The following FAM135B variants were observed in gnomAD, a reference collection of about 807,000 sequenced individuals.
FAM135B encodes the protein protein FAM135B.
FAM135B carries 43 observed loss-of-function variants against 127.7 expected under a neutral mutation model. The ratio of observed to expected loss-of-function variants is 0.34; its 90% CI spans 0.26 to 0.43. FAM135B has a LOEUF of 0.43. Ranked by LOEUF, FAM135B falls within the 20% of genes least tolerant of loss-of-function variation. The probability of loss-of-function intolerance (pLI) is 1.00; values close to 1 mark genes in which losing one functional copy is unlikely to be tolerated. For missense variants in FAM135B, 1,558 were observed against 1,725.6 expected (o/e 0.90, Z 1.72); for synonymous variants, 670 against 665.1 (o/e 1.01, Z -0.11).
intron 1 of FAM135B, among the ~76,000 whole-genome samples, chr8:138,376,045 G>A (rs529045314): frequency 1.3e-5 from 2 of 152,272 alleles, no homozygotes; most frequent in Admixed American, 1.3e-4. Flanking sequence ...CCAAGCTGGA[G>A]TGAGGTGGCA....
At chr8:138,457,461 A>C (rs1393770398) in intron 1 of FAM135B, among the ~76,000 whole-genome samples, 1 of 152,156 alleles carries the variant, frequency 6.6e-6, no homozygotes, top group African/African-American at 2.4e-5. Context: ...CCTGAGGCTT[A>C]GCAATTTCAC....
intron 1 of FAM135B, among the ~76,000 whole-genome samples, chr8:138,487,644 G>GC (rs1564038570): frequency 1.3e-5 from 2 of 150,918 alleles, no homozygotes; most frequent in African/African-American, 2.5e-5. Context: ...TGGGGGTGGG[G>GC]GCGGGGCAGG....
At position 138,269,469 on chromosome 8, in the gene FAM135B, CT is replaced by C. The variant is rs1245617137; in HGVS notation, c.158-3628del. On this transcript the variant is annotated intron_variant, in intron 3 of 19. Coordinates refer to ENST00000395297, the MANE Select transcript of FAM135B (RefSeq NM_015912.4). ...TGTGCCCAAACACCAGAAGACAACC[CT>C]TTCAATTCCCCAGGCCTGAAGCCAG... Among the ~76,000 whole-genome samples, 7 of 152,296 alleles carry C rather than the reference CT, an allele frequency of 4.6e-5. No individual in the cohort carries two copies. In the East Asian group the frequency reaches 1.4e-3, roughly 29 times the overall value.
At chr8:138,280,738 G>A (rs974359783) in intron 3 of FAM135B, among the ~76,000 whole-genome samples, 1 of 152,166 alleles carries the variant, frequency 6.6e-6, no homozygotes, top group African/African-American at 2.4e-5. Context: ...CAAGAGCACA[G>A]GTTTGGATCG....
chr8:138,174,821 G>A (rs1264141700), intron 11 of FAM135B, among the ~76,000 whole-genome samples: 1 of 151,876 alleles, frequency 6.6e-6, no homozygotes, highest in Non-Finnish European at 1.5e-5. Flanking sequence ...CTCTCACAGC[G>A]ATGCATGTTT....
intron 1 of FAM135B, among the ~76,000 whole-genome samples, chr8:138,474,030 T>G (rs985451241): frequency 2.0e-5 from 3 of 152,180 alleles, no homozygotes; most frequent in Non-Finnish European, 4.4e-5. Flanking sequence ...TTTGACTATA[T>G]CAACGTGTCT....
intron 1 of FAM135B, among the ~76,000 whole-genome samples, chr8:138,402,075 G>T (rs568774191): frequency 1.3e-5 from 2 of 152,194 alleles, no homozygotes; most frequent in African/African-American, 4.8e-5. Context: ...AGTGAGAACT[G>T]GTGCTGAAGT....
rs1439675847 is a variant in FAM135B at position 138,241,504 on chromosome 8, T to G, written c.669+1438A>C. Among the ~76,000 whole-genome samples, 1 of 152,092 alleles carries G rather than the reference T, an allele frequency of 6.6e-6. No homozygotes were observed. The highest frequency in any genetic ancestry group is 1.5e-5 in the Non-Finnish European group (1 of 68,018). On this transcript the variant is annotated intron_variant, in intron 7 of 19. Coordinates refer to ENST00000395297, the MANE Select transcript of FAM135B (RefSeq NM_015912.4). The surrounding 1 kb of genome is among the most constrained non-coding windows in gnomAD (Gnocchi z 4.8). ...CAGCAGCTTGGACAAGATGAAGACA[T>G]GAGTTGGGCAGCTTTTGCCACCAGA...
intron 7 of FAM135B, among the ~76,000 whole-genome samples, chr8:138,223,192 C>A (rs1289133969): frequency 1.3e-5 from 2 of 152,160 alleles, no homozygotes; most frequent in Non-Finnish European, 2.9e-5. Flanking sequence ...CGGGGTTAAA[C>A]AGGAGAGAAC....
At chr8:138,294,175 A>T (rs1329085676) in intron 3 of FAM135B, among the ~76,000 whole-genome samples, 4 of 152,142 alleles carry the variant, frequency 2.6e-5, no homozygotes, top group Non-Finnish European at 5.9e-5. Flanking sequence ...TGTTCTTATA[A>T]GTGGGAGCTA....
chr8:138,480,082 C>T (rs1371814416), intron 1 of FAM135B, among the ~76,000 whole-genome samples: 6 of 152,178 alleles, frequency 3.9e-5, no homozygotes, highest in Non-Finnish European at 4.4e-5. Flanking sequence ...ACAAACACAG[C>T]TAAACAACAC....
At chr8:138,444,242 C>T (rs1428799186) in intron 1 of FAM135B, among the ~76,000 whole-genome samples, 17 of 152,076 alleles carry the variant, frequency 1.1e-4, no homozygotes, top group African/African-American at 3.4e-4. Context: ...GACAGGTCAA[C>T]GAGACAGAAA....
At chr8:138,349,761 C>T (rs984962176) in intron 2 of FAM135B, among the ~76,000 whole-genome samples, 2 of 152,140 alleles carry the variant, frequency 1.3e-5, no homozygotes, top group African/African-American at 4.8e-5. Flanking sequence ...GCCCACTTTT[C>T]TGCAGGCTGA....
At chr8:138,399,155 T>G (rs1259978166) in intron 1 of FAM135B, among the ~76,000 whole-genome samples, 1 of 152,186 alleles carries the variant, frequency 6.6e-6, no homozygotes, top group East Asian at 1.9e-4. Context: ...CCTGGGACAG[T>G]CTCAGTTAAT....
At chr8:138,350,979 A>G (rs1313133074) in intron 2 of FAM135B, among the ~76,000 whole-genome samples, 5 of 152,126 alleles carry the variant, frequency 3.3e-5, no homozygotes, top group East Asian at 3.9e-4. Flanking sequence ...GACCAACTCA[A>G]TGCAGTTTGC....
At chr8:138,213,211 C>T (rs1818274779) in intron 7 of FAM135B, among the ~76,000 whole-genome samples, 1 of 152,214 alleles carries the variant, frequency 6.6e-6, no homozygotes, top group Non-Finnish European at 1.5e-5. Context: ...GAATGAGATA[C>T]CACCTACTGG....
intron 1 of FAM135B, among the ~76,000 whole-genome samples, chr8:138,461,285 C>T (rs1837106692): frequency 6.6e-6 from 1 of 152,038 alleles, no homozygotes; most frequent in Non-Finnish European, 1.5e-5. Context: ...GGGGATGCAT[C>T]CTGGTCATCA....
intron 1 of FAM135B, among the ~76,000 whole-genome samples, chr8:138,457,306 T>A (rs572931862): frequency 2.6e-5 from 4 of 152,154 alleles, no homozygotes; most frequent in African/African-American, 9.6e-5. Flanking sequence ...CGGCTGGAGA[T>A]GGTGTAGGCC....
At chr8:138,450,971 T>C (rs1457353556) in intron 1 of FAM135B, among the ~76,000 whole-genome samples, 1 of 152,198 alleles carries the variant, frequency 6.6e-6, no homozygotes, top group African/African-American at 2.4e-5. Context: ...GCCCATAAAG[T>C]TTAAGTAATT....
Sources: allele counts gnomAD v4.1 joint callset (sites outside exome capture counted in the v4.1 genomes callset), GRCh38; gene constraint gnomAD v4.1.1; non-coding constraint Gnocchi (gnomAD v3.1); transcripts MANE v1.5; gene names NCBI Gene and HGNC (gene_info 2026-07-23, HGNC 2026-07-21).